Variants in STS observed in about 807,000 individuals in gnomAD.
STS encodes the protein steroid sulfatase.
A neutral mutation model predicts 26.8 loss-of-function variants in STS; 7 were observed. The observed-to-expected ratio is 0.26, with a 90% confidence interval of 0.15 to 0.49. The LOEUF (loss-of-function observed/expected upper bound fraction) is 0.49. Among genes scored for constraint, STS ranks in the 20% least tolerant of loss-of-function variants. STS has a pLI of 0.98. For missense variants in STS, 434 were observed against 465.6 expected (o/e 0.93, Z 0.63); for synonymous variants, 199 against 189.4 (o/e 1.05, Z -0.42).
chrX:7,337,367 A>T (rs958071750), intron 10 of STS, among the ~76,000 whole-genome samples: 1 of 112,063 alleles, frequency 8.9e-6, no homozygotes, highest in Non-Finnish European at 1.9e-5. Flanking sequence ...TAGCTGTACA[A>T]TGTGCTGGGA....
chrX:7,234,905 A>G (rs1922241724), intron 2 of STS, among the ~76,000 whole-genome samples: 1 of 111,707 alleles, frequency 9.0e-6, no homozygotes, highest in Non-Finnish European at 1.9e-5. Context: ...ATTTAAACAT[A>G]GCCTTCTCAA....
rs147807036 is a variant in STS, at chrX:7,253,514, T to C, written c.137+178T>C. On this transcript the variant is annotated intron_variant, in intron 3 of 10. Transcript: ENST00000674429. The stretch of plus-strand genomic sequence containing the variant: ...GGTGTCATGAAGGCAGGTGTGAGTT[T>C]ATCTGTTTGACTATGAACAGGGAGC... 6.2e-5 allele frequency among the ~76,000 whole-genome samples: 7 copies of C among 112,157 alleles called. No individual in the cohort carries two copies. The East Asian group carries it at 2.0e-3, about 32-fold the overall frequency.
intron 2 of STS, chrX:7,252,292 G>A (rs1486893490): frequency 1.2e-5 from 9 of 751,190 alleles, no homozygotes; most frequent in Non-Finnish European, 1.4e-5. Flanking sequence ...TGCTGGGAGA[G>A]GTGTTGCCTA....
intron 8 of STS, among the ~76,000 whole-genome samples, chrX:7,314,714 C>T (rs1192468463): frequency 8.9e-6 from 1 of 112,447 alleles, no homozygotes; most frequent in African/African-American, 3.2e-5. Flanking sequence ...GATTGTGATC[C>T]CGTAATGGGA....
chrX:7,266,186 TA>T (rs1474627201), intron 6 of STS, among the ~76,000 whole-genome samples: 4 of 111,736 alleles, frequency 3.6e-5, no homozygotes, highest in African/African-American at 9.8e-5. Flanking sequence ...TATATATATA[TA>T]TTTGTACACA....
intron 1 of STS, among the ~76,000 whole-genome samples, chrX:7,187,145 TC>T (rs1453595222): frequency 1.8e-5 from 2 of 112,061 alleles, no homozygotes; most frequent in South Asian, 7.4e-4. Flanking sequence ...ACTTGGGTCT[TC>T]CCTTGACATC....
At chrX:7,324,518 A>C (rs752762907) in intron 8 of STS, among the ~76,000 whole-genome samples, 80 of 112,020 alleles carry the variant, frequency 7.1e-4, no homozygotes, top group African/African-American at 2.6e-3. Context: ...AAATATGTCA[A>C]ATAAATATAT....
intron 6 of STS, among the ~76,000 whole-genome samples, chrX:7,267,085 T>G (rs1183016445): frequency 8.9e-6 from 1 of 112,064 alleles, no homozygotes; most frequent in Non-Finnish European, 1.9e-5. Context: ...CTCAACCTTT[T>G]AAATTTTGGA....
In STS at chrX:7,318,085, T is replaced by C. The variant is rs1926798621; in HGVS notation, c.1082-7254T>C. 2.7e-5 allele frequency among the ~76,000 whole-genome samples: 3 copies of C among 112,083 alleles called. No individual in the cohort carries two copies. In the Admixed American group the frequency reaches 2.8e-4, roughly 11 times the overall value. On this transcript the variant is annotated intron_variant, in intron 8 of 10. Coordinates refer to ENST00000674429, the MANE Select transcript of STS (RefSeq NM_001320752.2). ...TGGCTGTGAAATGGGTTACTTGCCT[T>C]GCAGAGTCATGGTGAGAATCAAGAG...
intron 2 of STS, among the ~76,000 whole-genome samples, chrX:7,195,353 G>A (rs1218835612): frequency 5.4e-5 from 6 of 111,953 alleles, no homozygotes; most frequent in Non-Finnish European, 9.4e-5. Flanking sequence ...TATAGACATA[G>A]TAGTGGATTT....
intron 1 of STS, among the ~76,000 whole-genome samples, chrX:7,186,372 A>G (rs1360475005): frequency 8.9e-6 from 1 of 112,013 alleles, no homozygotes; most frequent in Admixed American, 9.4e-5. Context: ...TCTGGATGAT[A>G]GCCCACATCT....
At chrX:7,174,925 C>T (rs1234757024) in intron 1 of STS, among the ~76,000 whole-genome samples, 43 of 111,139 alleles carry the variant, frequency 3.9e-4, no homozygotes, top group Non-Finnish European at 6.8e-4. Flanking sequence ...TCTCATCAGG[C>T]CCACATCCAA....
At chrX:7,206,107 C>T (rs1387927107) in intron 2 of STS, among the ~76,000 whole-genome samples, 1 of 111,525 alleles carries the variant, frequency 9.0e-6, no homozygotes, top group African/African-American at 3.3e-5. Context: ...GTTTATATTC[C>T]TTCATCGTTT....
At chrX:7,162,068 A>G (rs1430473572) in intron 1 of STS, among the ~76,000 whole-genome samples, 2 of 112,349 alleles carry the variant, frequency 1.8e-5, no homozygotes, top group East Asian at 5.6e-4. Flanking sequence ...CTTGAATAAA[A>G]TAAGCATTAA....
At position 7,147,972 on chromosome X, in the gene STS, GCCGTGACGTACC is replaced by G. The variant is rs1473405905; in HGVS notation, c.-241_-230del. 2 of 763,696 alleles carry G rather than the reference GCCGTGACGTACC, an allele frequency of 2.6e-6. No homozygotes were observed. 62.9% of individuals were successfully genotyped at this position (763,696 alleles called of 1,213,427 possible). On this transcript the variant is annotated 5_prime_UTR_variant, in exon 1 of 11. It removes the in-frame stop codon of an upstream open reading frame in the 5' UTR. Coordinates refer to ENST00000674429, the MANE Select transcript of STS (RefSeq NM_001320752.2). ...AACACCGCCCCGCCGCGGCCCCCAGGCCGTGACGTACCCCGCGCCGACCGTCCCCACGCCCAC... is the reference window on the plus strand; with the variant it reads ...AACACCGCCCCGCCGCGGCCCCCAGGCCGCGCCGACCGTCCCCACGCCCAC...
chrX:7,158,630 G>T (rs760742502), intron 1 of STS, among the ~76,000 whole-genome samples: 1 of 111,822 alleles, frequency 8.9e-6, no homozygotes, highest in South Asian at 3.7e-4. Flanking sequence ...GAGGGAGGAT[G>T]ACAATTGAGA....
intron 6 of STS, among the ~76,000 whole-genome samples, chrX:7,265,801 T>A (rs909718347): frequency 3.6e-5 from 4 of 112,156 alleles, no homozygotes; most frequent in Admixed American, 2.8e-4. Flanking sequence ...AGCACATTGT[T>A]ACAATCATCC....
intron 8 of STS, among the ~76,000 whole-genome samples, chrX:7,324,082 T>C (rs1927228170): frequency 9.0e-6 from 1 of 110,915 alleles, no homozygotes; most frequent in Admixed American, 9.7e-5. Context: ...GCTTGATTTA[T>C]ACATTTTAGG....
At chrX:7,150,819 C>T (rs1932997817) in intron 1 of STS, among the ~76,000 whole-genome samples, 1 of 111,614 alleles carries the variant, frequency 9.0e-6, no homozygotes, top group East Asian at 2.8e-4. Flanking sequence ...TTTGTTCTAG[C>T]AATGTGGTTT....
Sources: allele counts gnomAD v4.1 joint callset (sites outside exome capture counted in the v4.1 genomes callset), GRCh38; gene constraint gnomAD v4.1.1; transcripts MANE v1.5; gene names NCBI Gene and HGNC (gene_info 2026-07-23, HGNC 2026-07-21).